Variants in PROM1 observed in about 807,000 individuals in gnomAD.
The protein encoded by PROM1 is prominin-1.
Under a neutral mutation model 116.9 loss-of-function variants are expected in PROM1, and 105 were observed. The ratio of observed to expected loss-of-function variants is 0.90; its 90% CI spans 0.77 to 1.06. The LOEUF (loss-of-function observed/expected upper bound fraction) is 1.06. Among genes scored for constraint, PROM1 ranks in the 50% least tolerant of loss-of-function variants. The probability of loss-of-function intolerance (pLI) is 0.00; values close to 1 mark genes in which losing one functional copy is unlikely to be tolerated. For synonymous variants in PROM1, 393 were observed against 387.0 expected (o/e 1.02, Z -0.18); for missense variants, 1,122 against 1,045.2 (o/e 1.07, Z -1.01).
chr4:16,040,398 ACTTCCCCCTT>A (rs1734949689), intron 2 of PROM1, among the ~76,000 whole-genome samples: 1 of 152,210 alleles, frequency 6.6e-6, no homozygotes, highest in African/African-American at 2.4e-5. Context: ...AACACAGGCT[ACTTCCCCCTT>A]CAACCAGTCA....
intron 2 of PROM1, among the ~76,000 whole-genome samples, chr4:16,046,912 C>T (rs146970750): frequency 3.9e-5 from 6 of 152,234 alleles, no homozygotes; most frequent in Admixed American, 6.5e-5. Context: ...CAACCACGCA[C>T]TCCTTCCCAC....
intron 2 of PROM1, chr4:16,055,548 C>T (rs758046071): frequency 2.2e-4 from 86 of 395,084 alleles, no homozygotes; most frequent in Non-Finnish European, 3.8e-4. Context: ...TACCAATTCA[C>T]GGTAAACAGC....
intron 2 of PROM1, among the ~76,000 whole-genome samples, chr4:16,069,079 A>T (rs891564810): frequency 6.6e-6 from 1 of 152,202 alleles, no homozygotes; most frequent in Non-Finnish European, 1.5e-5. Context: ...TACTAAAAAT[A>T]CAAAAATTAG....
chr4:16,056,062 T>G (rs1199872858), intron 2 of PROM1, among the ~76,000 whole-genome samples: 1 of 152,022 alleles, frequency 6.6e-6, no homozygotes, highest in Non-Finnish European at 1.5e-5. Context: ...AGAGGACGTG[T>G]GCAAGCAGGG....
chr4:15,970,054 T>C (rs904605649), intron 27 of PROM1, among the ~76,000 whole-genome samples: 4 of 151,332 alleles, frequency 2.6e-5, no homozygotes, highest in African/African-American at 9.7e-5. Context: ...TTTGAACTCC[T>C]GGGCTCAAGC....
In PROM1 at chr4:16,035,604, A is replaced by T. The variant is rs188852477; in HGVS notation, c.303+131T>A. 109 of 891,304 alleles carry T rather than the reference A, an allele frequency of 1.2e-4. No homozygotes were observed. The African/African-American group carries it at 1.4e-3, about 11-fold the overall frequency. 55.2% of individuals were successfully genotyped at this position (891,304 alleles called of 1,614,324 possible). On this transcript the variant is annotated intron_variant, in intron 4 of 27. Coordinates refer to ENST00000447510, the MANE Select transcript of PROM1 (RefSeq NM_006017.3). ...AAATATTACAGAGATATCTTTCTTC[A>T]AAGAGAAGGTTAAAAGTGATGGTAA...
chr4:16,049,715 A>C (rs1178710525), intron 2 of PROM1, among the ~76,000 whole-genome samples: 1 of 151,238 alleles, frequency 6.6e-6, no homozygotes, highest in Non-Finnish European at 1.5e-5. Context: ...ATCTCCTTAA[A>C]TTTATATATA....
chr4:15,999,204 G>C (rs1275728637), intron 14 of PROM1, among the ~76,000 whole-genome samples: 1 of 150,402 alleles, frequency 6.6e-6, no homozygotes, highest in Non-Finnish European at 1.5e-5. Context: ...GGGCGCTGTG[G>C]CTCACGCCTG....
At chr4:15,973,513 CAAG>C (rs1403511210) in intron 26 of PROM1, among the ~76,000 whole-genome samples, 7 of 152,184 alleles carry the variant, frequency 4.6e-5, no homozygotes, top group African/African-American at 1.4e-4. Flanking sequence ...GCCGAACTAG[CAAG>C]AAGGTGGTTC....
intron 5 of PROM1, among the ~76,000 whole-genome samples, chr4:16,032,032 C>T (rs1001298656): frequency 1.3e-5 from 2 of 152,180 alleles, no homozygotes; most frequent in East Asian, 3.9e-4. Flanking sequence ...CTTCCTTCCC[C>T]TCCACAACCC....
At chr4:15,974,262 A>C (rs902476891) in intron 26 of PROM1, among the ~76,000 whole-genome samples, 25 of 152,192 alleles carry the variant, frequency 1.6e-4, no homozygotes, top group Non-Finnish European at 2.6e-4. Flanking sequence ...AAATGCCTCC[A>C]CTTGCTCCGC....
chr4:15,971,109 T>C (rs771517977), intron 26 of PROM1, 27 bp from the exon 27 acceptor site: 1 of 1,544,854 alleles, frequency 6.5e-7, no homozygotes, highest in East Asian at 2.4e-5. Flanking sequence ...TAAAGAAATA[T>C]AATACCCCCA....
rs377139590 is a variant in PROM1 at position 16,006,800 on chromosome 4, CAG to C, written c.1302-112_1302-111del. ...ATGAGTTATTCTTGGCTTCTAAAAT[CAG>C]AGTCTTCTATCAATTCCTCAGAGGA... On this transcript the variant is annotated intron_variant, in intron 12 of 27. Coordinates refer to ENST00000447510, the MANE Select transcript of PROM1 (RefSeq NM_006017.3). The C allele has an allele frequency of 7.2e-5, 80 of 1,116,792 alleles. 1 individual carries two copies. In the African/African-American group the frequency reaches 8.6e-4, roughly 12 times the overall value. The allele number at this position is 1,116,792 out of a possible 1,614,324, so 69.2% of individuals were successfully genotyped here. A position where few individuals can be genotyped will look rare whatever the true frequency, so the allele number is the denominator to read the frequency against.
intron 15 of PROM1, among the ~76,000 whole-genome samples, chr4:15,997,246 G>A (rs539512458): frequency 6.2e-5 from 9 of 144,172 alleles, no homozygotes; most frequent in African/African-American, 7.7e-5. Context: ...AATGCATTTC[G>A]TTCATATATA....
rs552866220 is a variant in PROM1 at position 16,060,562 on chromosome 4, T to C, written c.220+15125A>G. ...CTCCTGGGCTCTCAAATAATTCCTT[T>C]TGAAAAAAAAATATGTGTGTGTGTG... is the stretch of plus-strand genomic sequence containing the variant. On this transcript the variant is annotated intron_variant, in intron 2 of 27. Coordinates refer to ENST00000447510, the MANE Select transcript of PROM1 (RefSeq NM_006017.3). 7.2e-5 allele frequency among the ~76,000 whole-genome samples: 11 copies of C among 152,054 alleles called. No individual in the cohort carries two copies. The South Asian group carries it at 2.3e-3, about 32-fold the overall frequency.
intron 6 of PROM1, among the ~76,000 whole-genome samples, chr4:16,024,561 T>C (rs534088735): frequency 6.6e-6 from 1 of 152,332 alleles, no homozygotes; most frequent in East Asian, 1.9e-4. Context: ...AGACACTTTT[T>C]AAAACGATGT....
Position 15,979,894 on chromosome 4 carries a change from T to C in PROM1, c.2500A>G (p.Ile834Val). The C allele has an allele frequency of 1.4e-6, 2 of 1,443,578 alleles. No homozygotes were observed. The highest frequency in any genetic ancestry group is 1.9e-6 in the Non-Finnish European group (2 of 1,061,042). 89.4% of individuals were successfully genotyped at this position (1,443,578 alleles called of 1,614,324 possible). ...SEDVYDDVET[I>V]PMKNMENGNN... ...AAAAAGGCTTACTTTTTCATGGGTA[T>C]AGTTTCAACACTATAAAATACAAAA... The change falls in exon 25 of 28, where the codon ATA becomes GTA. Residue 834 changes from isoleucine (I) to valine (V), a missense_variant. Coordinates refer to ENST00000447510, the MANE Select transcript of PROM1 (RefSeq NM_006017.3).
intron 26 of PROM1, among the ~76,000 whole-genome samples, chr4:15,976,804 G>A (rs1440045377): frequency 2.0e-5 from 3 of 152,166 alleles, no homozygotes; most frequent in Admixed American, 6.5e-5. Flanking sequence ...CCGTGGAGTT[G>A]TGCCTTCTAG....
At chr4:15,986,961 T>C (rs996121126) in intron 20 of PROM1, among the ~76,000 whole-genome samples, 2 of 152,238 alleles carry the variant, frequency 1.3e-5, no homozygotes, top group African/African-American at 2.4e-5. Context: ...CAACCCAGCC[T>C]TGCAGCTCTG....
Sources: gnomAD v4.1 joint callset for allele counts (sites outside exome capture counted in the v4.1 genomes callset) on GRCh38, gnomAD v4.1.1 for gene constraint, MANE v1.5 for transcripts, NCBI Gene and HGNC (gene_info 2026-07-23, HGNC 2026-07-21) for gene names.